The following ZFP37 variants were observed in gnomAD, a reference collection of about 807,000 sequenced individuals.
ZFP37 encodes zinc finger protein 37 homolog.
In ZFP37, 38 loss-of-function variants were observed where a neutral mutation model predicts 52.1. The ratio of observed to expected loss-of-function variants is 0.73; its 90% CI spans 0.56 to 0.96. The LOEUF is 0.96. ZFP37 is among the 40% of genes least tolerant of loss of function. The probability of loss-of-function intolerance (pLI) is 0.00; values close to 1 mark genes in which losing one functional copy is unlikely to be tolerated. For missense variants in ZFP37, 695 were observed against 741.4 expected (o/e 0.94, Z 0.73); for synonymous variants, 253 against 259.5 (o/e 0.98, Z 0.24).
chr9:113,054,611 T>C (rs1231570381), intron 1 of ZFP37, among the ~76,000 whole-genome samples: 1 of 152,144 alleles, frequency 6.6e-6, no homozygotes, highest in Non-Finnish European at 1.5e-5. Flanking sequence ...CCCATTTCCA[T>C]CCACCAAATC....
chr9:113,046,883 GTGGA>G, intron 3 of ZFP37, among the ~76,000 whole-genome samples: 1 of 152,150 alleles, frequency 6.6e-6, no homozygotes, highest in South Asian at 2.1e-4. Context: ...GCCGAAGCGG[GTGGA>G]TCACAAGGTC....
intron 3 of ZFP37, 78 bp from the exon 4 acceptor site, chr9:113,044,346 C>G (rs890533553): frequency 1.1e-5 from 15 of 1,359,456 alleles, no homozygotes; most frequent in Non-Finnish European, 1.5e-5. Context: ...AAAGAAATGA[C>G]CTGTTGTAGG....
chr9:113,046,993 C>T (rs141894097), intron 3 of ZFP37, among the ~76,000 whole-genome samples: 4 of 152,052 alleles, frequency 2.6e-5, no homozygotes, highest in African/African-American at 9.6e-5. Flanking sequence ...CCTGTAGTCC[C>T]AGCTACTTGG....
chr9:113,038,389 CTGTT>C lies in ZFP37; in HGVS notation c.*4332_*4335del, dbSNP rs558671375. On this transcript the variant is annotated 3_prime_UTR_variant, in exon 4 of 4. Transcript: ENST00000374227. ...CCTAATGTGCATATAGTTTTGTAAA[CTGTT>C]TTTTATTTAGTATTTTAGATGCTAC... 4 of 152,050 alleles carry C rather than the reference CTGTT, an allele frequency of 2.6e-5. No individual in the cohort carries two copies. In the South Asian group the frequency reaches 8.3e-4, roughly 32 times the overall value. The allele number at this position is 152,050 out of a possible 1,614,324, so 9.4% of individuals were successfully genotyped here.
In ZFP37 at chr9:113,038,620, C is replaced by CA. The variant is rs60269886; in HGVS notation, c.*4104dup. The CA allele has an allele frequency of 1.9e-3, 260 of 135,222 alleles. 1 individual carries two copies. The highest frequency in any genetic ancestry group is 0.012 in the East Asian group (58 of 4,822). The allele number at this position is 135,222 out of a possible 1,614,324, so 8.4% of individuals were successfully genotyped here. On this transcript the variant is annotated 3_prime_UTR_variant, in exon 4 of 4. Coordinates refer to ENST00000374227, the MANE Select transcript of ZFP37 (RefSeq NM_003408.3). ...TAACATGGCAAAACTCTGTTTCCAC[C>CA]AAAAAAAAAAAAAAAAAATTAGCTT... is the stretch of plus-strand genomic sequence containing the variant.
chr9:113,049,974 G>T, intron 1 of ZFP37, 102 bp from the exon 2 acceptor site: 1 of 1,561,090 alleles, frequency 6.4e-7, no homozygotes, highest in Non-Finnish European at 8.7e-7. Flanking sequence ...GAGTGATTTG[G>T]ACAAGATAAT....
intron 3 of ZFP37, 120 bp from the exon 4 acceptor site, chr9:113,044,388 T>C (rs1407956919): frequency 4.6e-6 from 4 of 861,912 alleles, no homozygotes. Flanking sequence ...GGTATACCAA[T>C]GTGAATGAAA....
rs765617290 is a variant in ZFP37, at chr9:113,039,985, G to A, written c.*2740C>T. 1.3e-5 allele frequency: 2 copies of A among 152,222 alleles called. No homozygotes were observed. Among genetic ancestry groups the A allele is most frequent in the Non-Finnish European group, 2.9e-5 (2 of 68,008 alleles). 9.4% of individuals were successfully genotyped at this position (152,222 alleles called of 1,614,324 possible). On this transcript the variant is annotated 3_prime_UTR_variant, in exon 4 of 4. Transcript: ENST00000374227. Reference sequence around the variant, plus strand: ...GTTTCTGATCCAATATGTCTGTGACGAGGCCCAAGAATTTGCATTCTCAAG... The same window carrying A: ...GTTTCTGATCCAATATGTCTGTGACAAGGCCCAAGAATTTGCATTCTCAAG...
Position 113,056,647 on chromosome 9 carries a change from C to T in ZFP37, c.42G>A (p.Glu14=). ...SSGVQILTKP[E]TVDRRRSAET... is the part of the protein sequence containing the mutation. Reference sequence around the variant, plus strand: ...CCGCACTTCTCCTCCGGTCCACGGTCTCTGGCTTTGTCAGAATCTGGACGC... The same window carrying T: ...CCGCACTTCTCCTCCGGTCCACGGTTTCTGGCTTTGTCAGAATCTGGACGC... The change falls in exon 1 of 4, where the codon GAG becomes GAA. Residue 14 remains glutamate (E), a synonymous_variant. Coordinates refer to ENST00000374227, the MANE Select transcript of ZFP37 (RefSeq NM_003408.3). The T allele has an allele frequency of 6.2e-7, 1 of 1,613,924 alleles. No homozygotes were observed.
intron 3 of ZFP37, among the ~76,000 whole-genome samples, chr9:113,047,348 C>T (rs1044062196): frequency 8.6e-5 from 13 of 152,012 alleles, no homozygotes; most frequent in African/African-American, 3.1e-4. Flanking sequence ...TTGGACAATT[C>T]GGGGTCAAAA....
At chr9:113,050,148 G>C (rs1361668271) in intron 1 of ZFP37, 1 of 303,014 alleles carries the variant, frequency 3.3e-6, no homozygotes, top group Non-Finnish European at 6.0e-6. Context: ...ACTTTGGGAG[G>C]CTAAAGCAGG....
rs574635339 is a variant in ZFP37 at position 113,045,504 on chromosome 9, T to G, written c.350-1236A>C. 2.0e-5 allele frequency among the ~76,000 whole-genome samples: 3 copies of G among 152,348 alleles called. No individual in the cohort carries two copies. In the South Asian group the frequency reaches 6.2e-4, roughly 32 times the overall value. On this transcript the variant is annotated intron_variant, in intron 3 of 3. Coordinates refer to ENST00000374227, the MANE Select transcript of ZFP37 (RefSeq NM_003408.3). ...GGTCTTTCTAATTGTCAGTTATAAA[T>G]TTTAAGTTTATTCCCAGCTCTAAGT...
chr9:113,055,693 A>G (rs989722467), intron 1 of ZFP37, among the ~76,000 whole-genome samples: 2 of 152,130 alleles, frequency 1.3e-5, no homozygotes, highest in Non-Finnish European at 2.9e-5. Context: ...GTTCCCAACT[A>G]TCACTCTCCA....
chr9:113,047,171 T>C, intron 3 of ZFP37, among the ~76,000 whole-genome samples: 1 of 151,912 alleles, frequency 6.6e-6, no homozygotes, highest in African/African-American at 2.4e-5. Flanking sequence ...TATAAAGATG[T>C]ATTAAGTGAC....
chr9:113,053,305 C>G (rs1195784535), intron 1 of ZFP37, among the ~76,000 whole-genome samples: 1 of 152,168 alleles, frequency 6.6e-6, no homozygotes, highest in Admixed American at 6.5e-5. Context: ...GTTCTAGCAC[C>G]ATACACAATC....
intron 3 of ZFP37, among the ~76,000 whole-genome samples, chr9:113,048,942 T>C (rs149021819): frequency 6.6e-6 from 1 of 152,244 alleles, no homozygotes; most frequent in East Asian, 1.9e-4. Flanking sequence ...ATTTGCTAAA[T>C]GGAGAATGCT....
intron 3 of ZFP37, among the ~76,000 whole-genome samples, chr9:113,044,896 CAG>C (rs1373335940): frequency 6.6e-6 from 1 of 151,988 alleles, no homozygotes; most frequent in East Asian, 1.9e-4. Flanking sequence ...CACCGAGAAG[CAG>C]AGACATAAGA....
At chr9:113,051,624 T>C (rs1458030743) in intron 1 of ZFP37, among the ~76,000 whole-genome samples, 1 of 152,090 alleles carries the variant, frequency 6.6e-6, no homozygotes, top group Admixed American at 6.6e-5. Flanking sequence ...TGACTGATTT[T>C]TAAATTTTTT....
At chr9:113,045,303 ATTC>A (rs1014083181) in intron 3 of ZFP37, among the ~76,000 whole-genome samples, 14 of 152,284 alleles carry the variant, frequency 9.2e-5, no homozygotes, top group Admixed American at 3.3e-4. Context: ...CTAAAATGAT[ATTC>A]TTGTACTTTA....
Sources: gnomAD v4.1 joint callset for allele counts (sites outside exome capture counted in the v4.1 genomes callset) on GRCh38, gnomAD v4.1.1 for gene constraint, MANE v1.5 for transcripts, NCBI Gene and HGNC (gene_info 2026-07-23, HGNC 2026-07-21) for gene names.